Variants in TRDN observed in about 807,000 individuals in gnomAD.
The protein encoded by TRDN is triadin in skeletal muscle.
TRDN carries 161 observed loss-of-function variants against 149.7 expected under a neutral mutation model. The ratio of observed to expected loss-of-function variants is 1.08; its 90% CI spans 0.95 to 1.23. TRDN has a LOEUF of 1.23. Ranked by LOEUF, TRDN falls within the 50% of genes most tolerant of loss-of-function variation. The probability of loss-of-function intolerance (pLI) is 0.00; values close to 1 mark genes in which losing one functional copy is unlikely to be tolerated. For synonymous variants in TRDN, 294 were observed against 250.5 expected (o/e 1.17, Z -1.64); for missense variants, 896 against 823.5 (o/e 1.09, Z -1.08).
chr6:123,511,902 A>G (rs954901820), intron 7 of TRDN, among the ~76,000 whole-genome samples: 2 of 151,986 alleles, frequency 1.3e-5, no homozygotes, highest in African/African-American at 4.8e-5. Flanking sequence ...ATCTGTCTAC[A>G]TTTAAAGACT....
chr6:123,325,091 A>G (rs777040278), intron 23 of TRDN, among the ~76,000 whole-genome samples: 2 of 152,174 alleles, frequency 1.3e-5, no homozygotes, highest in Non-Finnish European at 2.9e-5. Flanking sequence ...TAAAATTATT[A>G]CAAAGACAAA....
intron 12 of TRDN, among the ~76,000 whole-genome samples, chr6:123,436,005 A>G (rs913400380): frequency 6.6e-6 from 1 of 152,134 alleles, no homozygotes; most frequent in Non-Finnish European, 1.5e-5. Context: ...ACACACACAT[A>G]CGCATGAGCA....
At chr6:123,462,670 T>A (rs1287315646) in intron 10 of TRDN, 1 of 152,102 alleles carries the variant, frequency 6.6e-6, no homozygotes, top group Non-Finnish European at 1.5e-5. Context: ...TAGTGCCACA[T>A]GAAAGTTCCT....
At chr6:123,507,593 C>G (rs1450720407) in intron 7 of TRDN, among the ~76,000 whole-genome samples, 1 of 152,008 alleles carries the variant, frequency 6.6e-6, no homozygotes, top group Non-Finnish European at 1.5e-5. Flanking sequence ...ACACATTCTT[C>G]AATTTTGTGC....
At chr6:123,404,710 G>A (rs565175045) in intron 12 of TRDN, among the ~76,000 whole-genome samples, 6 of 152,202 alleles carry the variant, frequency 3.9e-5, no homozygotes, top group Non-Finnish European at 7.4e-5. Context: ...TTCCCAAAGC[G>A]CTGGGATTAC....
Position 123,218,099 on chromosome 6 carries a change from C to A in TRDN, c.*502G>T, listed in dbSNP as rs1324794019. ...AAGCCACAACTAAAATAGAAATAGA[C>A]AAAAATAAAATAAAATCATTAAGCA... On this transcript the variant is annotated 3_prime_UTR_variant, in exon 41 of 41. Transcript: ENST00000334268. The A allele has an allele frequency of 1.3e-5, 2 of 151,712 alleles. No individual in the cohort carries two copies. The highest frequency in any genetic ancestry group is 4.8e-5 in the African/African-American group (2 of 41,324). The allele number at this position is 151,712 out of a possible 1,614,324, so 9.4% of individuals were successfully genotyped here.
intron 13 of TRDN, among the ~76,000 whole-genome samples, chr6:123,391,281 C>T (rs925205299): frequency 6.6e-6 from 1 of 151,818 alleles, no homozygotes; most frequent in African/African-American, 2.4e-5. Context: ...TTTTTCCCTT[C>T]AGCTAGTTTC....
chr6:123,503,703 T>C lies in TRDN; in HGVS notation c.793+16A>G. ...TCTCTTAGAACCTCCGGCAGCCTCCTGCTCTGAATGTTTACCTTTCTGTTC... is the reference window on the plus strand; with the variant it reads ...TCTCTTAGAACCTCCGGCAGCCTCCCGCTCTGAATGTTTACCTTTCTGTTC... On this transcript the variant is annotated intron_variant, in intron 8 of 40. Transcript: ENST00000334268. 6.2e-7 allele frequency: 1 copy of C among 1,613,564 alleles called. No individual in the cohort carries two copies.
chr6:123,474,839 G>A (rs866683446), intron 9 of TRDN, among the ~76,000 whole-genome samples: 2 of 151,968 alleles, frequency 1.3e-5, no homozygotes, highest in African/African-American at 4.8e-5. Flanking sequence ...GGTACATAAC[G>A]AAATGAAGGC....
intron 24 of TRDN, among the ~76,000 whole-genome samples, chr6:123,289,962 A>T (rs1777944457): frequency 6.6e-6 from 1 of 152,158 alleles, no homozygotes; most frequent in African/African-American, 2.4e-5. Flanking sequence ...TAACTCTTTC[A>T]CTGTCCCCAG....
chr6:123,276,788 CA>C (rs1162512872), intron 26 of TRDN, among the ~76,000 whole-genome samples: 1 of 152,110 alleles, frequency 6.6e-6, no homozygotes, highest in Non-Finnish European at 1.5e-5. Flanking sequence ...GAAGCAAAAA[CA>C]ATGCCAGCCT....
chr6:123,530,977 C>A (rs183301993), intron 4 of TRDN, among the ~76,000 whole-genome samples: 190 of 151,984 alleles, frequency 1.3e-3, no homozygotes, highest in African/African-American at 4.3e-3. Flanking sequence ...GTGAAATGAA[C>A]TGTAACAACT....
chr6:123,617,110 A>T (rs1009070505), intron 1 of TRDN, among the ~76,000 whole-genome samples: 2 of 152,138 alleles, frequency 1.3e-5, no homozygotes, highest in African/African-American at 4.8e-5. Context: ...GATTTTTTTT[A>T]ACCACAGCAG....
chr6:123,382,951 C>T (rs1349868175), intron 14 of TRDN, among the ~76,000 whole-genome samples: 2 of 151,882 alleles, frequency 1.3e-5, no homozygotes, highest in Non-Finnish European at 2.9e-5. Context: ...TCTTCTTTGT[C>T]CTTTTACTGT....
intron 24 of TRDN, among the ~76,000 whole-genome samples, chr6:123,293,085 G>A (rs185531589): frequency 6.6e-6 from 1 of 152,218 alleles, no homozygotes; most frequent in East Asian, 1.9e-4. Context: ...ATTGCATCAG[G>A]AAATCATCTT....
chr6:123,484,681 CA>C (rs1238854509), intron 9 of TRDN, among the ~76,000 whole-genome samples: 2 of 151,990 alleles, frequency 1.3e-5, no homozygotes, highest in Admixed American at 1.3e-4. Flanking sequence ...AAAGCTAGAC[CA>C]AAAAAGCCAC....
chr6:123,563,220 C>G lies in TRDN; in HGVS notation c.232+7703G>C, dbSNP rs1294199996. On this transcript the variant is annotated intron_variant, in intron 2 of 40. Transcript: ENST00000334268. The stretch of plus-strand genomic sequence containing the variant: ...GCAAATAGATGTATATTTCACCTCT[C>G]TTACTCAATATGACCCTAATCAACC... Among the ~76,000 whole-genome samples the G allele has an allele frequency of 3.3e-4, 50 of 152,224 alleles. 1 individual carries two copies. The highest frequency in any genetic ancestry group is 2.9e-5 in the Non-Finnish European group (2 of 68,036).
intron 21 of TRDN, chr6:123,351,968 TA>T (rs1780477285): frequency 1.0e-6 from 1 of 977,410 alleles, no homozygotes; most frequent in South Asian, 4.7e-5. Flanking sequence ...TATAACTACA[TA>T]AATACAAATA....
intron 24 of TRDN, among the ~76,000 whole-genome samples, chr6:123,291,489 C>T (rs751588766): frequency 1.1e-4 from 17 of 151,492 alleles, no homozygotes; most frequent in Non-Finnish European, 1.5e-4. Flanking sequence ...GGCATGAACC[C>T]GGGAGGCAGA....
Sources: allele counts gnomAD v4.1 joint callset (sites outside exome capture counted in the v4.1 genomes callset), GRCh38; gene constraint gnomAD v4.1.1; transcripts MANE v1.5; gene names NCBI Gene and HGNC (gene_info 2026-07-23, HGNC 2026-07-21).